ARSA: variants seen among roughly 807,000 people sequenced by gnomAD.
The protein encoded by ARSA is arylsulfatase A.
ARSA carries 32 observed loss-of-function variants against 37.8 expected under a neutral mutation model. The ratio of observed to expected loss-of-function variants is 0.85; its 90% CI spans 0.64 to 1.14. ARSA has a LOEUF of 1.14. Among genes scored for constraint, ARSA ranks in the 50% most tolerant of loss-of-function variants. The pLI is 0.00. For missense variants in ARSA, 685 were observed against 686.3 expected, an observed-to-expected ratio of 1.00 and a Z score of 0.02; for synonymous variants, 303 against 303.4, an observed-to-expected ratio of 1.00 and a Z score of 0.01.
chr22:50,628,141 C>T lies in ARSA; in HGVS notation c.-362G>A, dbSNP rs886057662. 2 of 187,168 alleles carry T rather than the reference C, an allele frequency of 1.1e-5. No homozygotes were observed. The highest frequency in any genetic ancestry group is 2.4e-5 in the African/African-American group (1 of 42,266). The allele number at this position is 187,168 out of a possible 1,614,324, so 11.6% of individuals were successfully genotyped here. A position where few individuals can be genotyped will look rare whatever the true frequency, so the allele number is the denominator to read the frequency against. ...GGAGGAGCCGGTACCGGGCTGCGGG[C>T]GCTTCCGCCTCGGCCCCGCCCCGTG... On this transcript the variant is annotated 5_prime_UTR_variant, in exon 1 of 8. Coordinates refer to ENST00000216124, the MANE Select transcript of ARSA (RefSeq NM_000487.6).
At position 50,625,212 on chromosome 22, in the gene ARSA, T is replaced by G; in HGVS notation, c.1463A>C (p.Gln488Pro). The G allele has an allele frequency of 6.2e-7, 1 of 1,607,208 alleles. No homozygotes were observed. Residue 488 changes from glutamine (Q) to proline (P), a missense_variant, in exon 8 of 8, where the codon CAG becomes CCG. Gln to Pro is a moderately conservative substitution (Grantham distance 76, BLOSUM62 -1). Transcript: ENST00000216124. The stretch of plus-strand genomic sequence containing the variant: ...GGTGCAGCCAGGATGACAGCAGATC[T>G]GCAGGGCGGGGTCCTCGCCCCGGGC... ...QVARGEDPAL[Q>P]ICCHPGCTPR...
rs1459370840 is a variant in ARSA at position 50,627,203 on chromosome 22, A to C, written c.428T>G (p.Phe143Cys). The C allele has an allele frequency of 6.2e-7, 1 of 1,612,722 alleles. No homozygotes were observed. The highest frequency in any genetic ancestry group is 8.5e-7 in the Non-Finnish European group (1 of 1,179,632). ...GTACGGGATGCCTAGAAATCGATGG[A>C]AGCCCTGATGGGGGGGCAGGAAGGC... ...EGAFLPPHQG[F>C]HRFLGIPYSH... Residue 143 changes from phenylalanine (F) to cysteine (C), a missense_variant, in exon 2 of 8, where the codon TTC becomes TGC. Transcript: ENST00000216124.
Position 50,623,394 on chromosome 22 carries a change from G to A in ARSA, c.*1751C>T, listed in dbSNP as rs1443136454. 2 of 152,244 alleles carry A rather than the reference G, an allele frequency of 1.3e-5. No homozygotes were observed. The highest frequency in any genetic ancestry group is 6.5e-5 in the Admixed American group (1 of 15,282). The allele number at this position is 152,244 out of a possible 1,614,324, so 9.4% of individuals were successfully genotyped here. On this transcript the variant is annotated 3_prime_UTR_variant, in exon 8 of 8. Coordinates refer to ENST00000216124, the MANE Select transcript of ARSA (RefSeq NM_000487.6). ...AGGGGTTTGGATTTTCTTCTGAGAA[G>A]CCTGCGAAATTTTGAGCAGGAATAG...
chr22:50,623,159 G>A lies in ARSA; in HGVS notation c.*1986C>T, dbSNP rs949599463. 6 of 152,266 alleles carry A rather than the reference G, an allele frequency of 3.9e-5. No individual in the cohort carries two copies. The highest frequency in any genetic ancestry group is 2.1e-4 in the South Asian group (1 of 4,828). 9.4% of individuals were successfully genotyped at this position (152,266 alleles called of 1,614,324 possible). A position where few individuals can be genotyped will look rare whatever the true frequency, so the allele number is the denominator to read the frequency against. ...GGCCAACACTGAGGGAGCACCTGGC[G>A]TGTGACTGGCCACCTGGGCATGCAC... On this transcript the variant is annotated 3_prime_UTR_variant, in exon 8 of 8. Transcript: ENST00000216124.
Position 50,625,047 on chromosome 22 carries a change from T to C in ARSA, c.*98A>G, listed in dbSNP as rs2082638847. On this transcript the variant is annotated 3_prime_UTR_variant, in exon 8 of 8. Coordinates refer to ENST00000216124, the MANE Select transcript of ARSA (RefSeq NM_000487.6). ...CACATCTGCAAGTCTCCACTGGTGT[T>C]ATTACGTTATCAGGCACAAACCCCC... The C allele has an allele frequency of 7.5e-7, 1 of 1,327,862 alleles. No homozygotes were observed. Among genetic ancestry groups the C allele is most frequent in the Non-Finnish European group, 1.0e-6 (1 of 1,000,952 alleles). 82.3% of individuals were successfully genotyped at this position (1,327,862 alleles called of 1,614,324 possible). A position where few individuals can be genotyped will look rare whatever the true frequency, so the allele number is the denominator to read the frequency against.
intron 4 of ARSA, 84 bp from the exon 5 acceptor site, chr22:50,626,362 C>G: frequency 1.9e-6 from 3 of 1,576,478 alleles, no homozygotes; most frequent in Non-Finnish European, 2.6e-6. Flanking sequence ...ACCTCTAAGT[C>G]ACAAAGCTTG....
In ARSA at chr22:50,627,547, C is replaced by G. The variant is rs1424139309; in HGVS notation, c.224+9G>C. The G allele has an allele frequency of 6.4e-7, 1 of 1,560,252 alleles. No homozygotes were observed. The highest frequency in any genetic ancestry group is 1.9e-5 in the Admixed American group (1 of 51,946). On this transcript the variant is annotated intron_variant, in intron 1 of 7. Transcript: ENST00000216124. The stretch of plus-strand genomic sequence containing the variant: ...TCGGGGCGGGGAAGAGGCGCGGCCC[C>G]CTCTTTACCTAGAGGGTGTGCACAG...
At position 50,626,680 on chromosome 22, in the gene ARSA, C is replaced by A; in HGVS notation, c.765G>T (p.Glu255Asp). 6.2e-7 allele frequency: 1 copy of A among 1,614,182 alleles called. No individual in the cohort carries two copies. Among genetic ancestry groups the A allele is most frequent in the Non-Finnish European group, 8.5e-7 (1 of 1,180,028 alleles). ...GRGPFGDSLM[E>D]LDAAVGTLMT... The stretch of plus-strand genomic sequence containing the variant: ...TCAGGGTCCCCACAGCTGCATCCAG[C>A]TCCATCAGGGAGTCCCCAAATGGCC... The change falls in exon 4 of 8, where the codon GAG becomes GAT. Residue 255 changes from glutamate (E) to aspartate (D), a missense_variant. Transcript: ENST00000216124.
At position 50,624,856 on chromosome 22, in the gene ARSA, G is replaced by C. The variant is rs1006816186; in HGVS notation, c.*289C>G. Among the ~76,000 whole-genome samples the C allele has an allele frequency of 1.3e-5, 2 of 152,038 alleles. No individual in the cohort carries two copies. Among genetic ancestry groups the C allele is most frequent in the Non-Finnish European group, 1.5e-5 (1 of 68,004 alleles). On this transcript the variant is annotated 3_prime_UTR_variant, in exon 8 of 8. Transcript: ENST00000216124. ...ACCCACGCAGATCACCAAGGCGCCA[G>C]GGCAGCTTCCAGAGCCACGACACCA...
chr22:50,626,506 G>A, intron 4 of ARSA, 85 bp downstream of exon 4: 3 of 1,589,184 alleles, frequency 1.9e-6, no homozygotes, highest in Non-Finnish European at 1.7e-6. Flanking sequence ...CACCCACTAT[G>A]TTCTTGGCAA....
Position 50,625,622 on chromosome 22 carries a change from A to G in ARSA, c.1167T>C (p.Phe389=). 1 of 1,613,022 alleles carries G rather than the reference A, an allele frequency of 6.2e-7. No homozygotes were observed. The highest frequency in any genetic ancestry group is 8.5e-7 in the Non-Finnish European group (1 of 1,179,378). Residue 389 remains phenylalanine, a synonymous_variant, in exon 7 of 8, where the codon TTT becomes TTC. Coordinates refer to ENST00000216124, the MANE Select transcript of ARSA (RefSeq NM_000487.6). ...PSYPDEVRGV[F]AVRTGKYKAH... is the part of the protein sequence containing the mutation. ...CCTTGTACTTTCCAGTCCGCACAGC[A>G]AAAACCCCACGGACCTCGTCTGGGT... is the stretch of plus-strand genomic sequence containing the variant.
In ARSA at chr22:50,623,626, T is replaced by C. The variant is rs1337645945; in HGVS notation, c.*1519A>G. 3 of 152,126 alleles carry C rather than the reference T, an allele frequency of 2.0e-5. No individual in the cohort carries two copies. The highest frequency in any genetic ancestry group is 4.4e-5 in the Non-Finnish European group (3 of 68,028). 9.4% of individuals were successfully genotyped at this position (152,126 alleles called of 1,614,324 possible). A position where few individuals can be genotyped will look rare whatever the true frequency, so the allele number is the denominator to read the frequency against. ...TAAAACAAATATTGTTGGCCAGGTG[T>C]GGTGGTTCACACCTGTAATCCCAGC... is the stretch of plus-strand genomic sequence containing the variant. On this transcript the variant is annotated 3_prime_UTR_variant, in exon 8 of 8. Transcript: ENST00000216124.
chr22:50,625,221 G>A lies in ARSA; in HGVS notation c.1454C>T (p.Pro485Leu). Residue 485 changes from proline to leucine, a missense_variant, in exon 8 of 8, where the codon CCC becomes CTC. By Grantham distance (98) the Pro-to-Leu change is moderately conservative. Transcript: ENST00000216124. The part of the protein sequence containing the change: ...GPSQVARGED[P>L]ALQICCHPGC... ...AGGATGACAGCAGATCTGCAGGGCG[G>A]GGTCCTCGCCCCGGGCCACCTGGCT... 1 of 1,608,724 alleles carries A rather than the reference G, an allele frequency of 6.2e-7. No homozygotes were observed. The highest frequency in any genetic ancestry group is 8.5e-7 in the Non-Finnish European group (1 of 1,177,346).
chr22:50,627,218 G>A lies in ARSA; in HGVS notation c.413C>T (p.Pro138Leu), dbSNP rs74315462. 1 of 1,612,042 alleles carries A rather than the reference G, an allele frequency of 6.2e-7. No individual in the cohort carries two copies. Among genetic ancestry groups the A allele is most frequent in the South Asian group, 1.1e-5 (1 of 90,942 alleles). Residue 138 changes from proline (P) to leucine (L), a missense_variant, in exon 2 of 8, where the codon CCC (proline) becomes CTC (leucine). Pro to Leu is a moderately conservative substitution (Grantham distance 98). Coordinates refer to ENST00000216124, the MANE Select transcript of ARSA (RefSeq NM_000487.6). ...AAATCGATGGAAGCCCTGATGGGGG[G>A]GCAGGAAGGCCCCCTCAGGCCCCAC... The part of the protein sequence containing the change: ...LGVGPEGAFL[P>L]PHQGFHRFLG...
Position 50,626,598 on chromosome 22 carries a change from C to A in ARSA, c.847G>T (p.Asp283Tyr), listed in dbSNP as rs199476386. 6 of 1,613,226 alleles carry A rather than the reference C, an allele frequency of 3.7e-6. No homozygotes were observed. Among genetic ancestry groups the A allele is most frequent in the Non-Finnish European group, 5.1e-6 (6 of 1,180,036 alleles). The change falls in exon 4 of 8, where the codon GAC (aspartate) becomes TAC (tyrosine). Residue 283 changes from aspartate (D) to tyrosine (Y), a missense_variant. Physicochemically the swap from Asp to Tyr is radical, Grantham distance 160. Transcript: ENST00000216124. Reference protein sequence around the residue: ...LEETLVIFTADNGPETMRMSR... With the variant: ...LEETLVIFTAYNGPETMRMSR... ...GCTGCCCTGCTGGCATACCCATTGTCTGCAGTGAAGATGACCAGCGTCTCT... is the reference window on the plus strand; with the variant it reads ...GCTGCCCTGCTGGCATACCCATTGTATGCAGTGAAGATGACCAGCGTCTCT...
At chr22:50,626,563 G>C (rs776884142) in intron 4 of ARSA, 28 bp downstream of exon 4, 2 of 1,609,922 alleles carry the variant, frequency 1.2e-6, no homozygotes, top group East Asian at 2.2e-5. Flanking sequence ...TGACAGGGCC[G>C]GAGCACCCAG....
At position 50,626,675 on chromosome 22, in the gene ARSA, T is replaced by A; in HGVS notation, c.770A>T (p.Asp257Val). 1 of 1,614,114 alleles carries A rather than the reference T, an allele frequency of 6.2e-7. No individual in the cohort carries two copies. The highest frequency in any genetic ancestry group is 8.5e-7 in the Non-Finnish European group (1 of 1,180,032). Residue 257 changes from aspartate (D) to valine (V), a missense_variant, in exon 4 of 8, where the codon GAT becomes GTT. Transcript: ENST00000216124. ...TGTCATCAGGGTCCCCACAGCTGCA[T>A]CCAGCTCCATCAGGGAGTCCCCAAA... ...GPFGDSLMEL[D>V]AAVGTLMTAI... is the part of the protein sequence containing the mutation.
rs572598507 is a variant in ARSA at position 50,623,312 on chromosome 22, A to G, written c.*1833T>C. The stretch of plus-strand genomic sequence containing the variant: ...GAAGGGAACAGCCAGGCCACCCCCT[A>G]AGACTGGGGGGAAGGGGGTGTGGGT... On this transcript the variant is annotated 3_prime_UTR_variant, in exon 8 of 8. Transcript: ENST00000216124. 2 of 152,328 alleles carry G rather than the reference A, an allele frequency of 1.3e-5. 1 individual carries two copies. Among genetic ancestry groups the G allele is most frequent in the South Asian group, 4.1e-4 (2 of 4,830 alleles). 9.4% of individuals were successfully genotyped at this position (152,328 alleles called of 1,614,324 possible).
intron 4 of ARSA, 31 bp from the exon 5 acceptor site, chr22:50,626,309 G>A: frequency 1.9e-6 from 3 of 1,606,400 alleles, no homozygotes; most frequent in African/African-American, 1.3e-5. Flanking sequence ...ATGAGCCATG[G>A]AGCCACAGCC....
Sources: gnomAD v4.1 joint callset for allele counts (sites outside exome capture counted in the v4.1 genomes callset) on GRCh38, gnomAD v4.1.1 for gene constraint, MANE v1.5 for transcripts, NCBI Gene and HGNC (gene_info 2026-07-23, HGNC 2026-07-21) for gene names.